The following GTF2IRD2 variants were observed in gnomAD, a reference collection of about 807,000 sequenced individuals.
GTF2IRD2 encodes the protein general transcription factor II-I repeat domain-containing protein 2A.
GTF2IRD2 carries 8 observed loss-of-function variants against 49.2 expected under a neutral mutation model. The ratio of observed to expected loss-of-function variants is 0.16; its 90% CI spans 0.10 to 0.29. The LOEUF (loss-of-function observed/expected upper bound fraction) is 0.29. GTF2IRD2 is among the 10% of genes least tolerant of loss of function. The pLI is 1.00. For missense variants in GTF2IRD2, 130 were observed against 725.7 expected (o/e 0.18, Z 9.43); for synonymous variants, 47 against 289.7 (o/e 0.16, Z 8.51).
At chr7:74,831,336 A>T (rs1554420348) in intron 3 of GTF2IRD2, among the ~76,000 whole-genome samples, 1 of 149,020 alleles carries the variant, frequency 6.7e-6, no homozygotes, top group Non-Finnish European at 1.5e-5. Context: ...TCTCTTATCT[A>T]TCATCTATCC....
chr7:74,815,834 GA>G (rs1798483200), intron 8 of GTF2IRD2, among the ~76,000 whole-genome samples: 1 of 104,888 alleles, frequency 9.5e-6, no homozygotes, highest in African/African-American at 3.8e-5. Context: ...AAGAAAGAAA[GA>G]AAGAAAGAAA....
At chr7:74,831,504 T>TACATACACAC (rs1799860114) in intron 3 of GTF2IRD2, among the ~76,000 whole-genome samples, 2 of 119,548 alleles carry the variant, frequency 1.7e-5, no homozygotes, top group Admixed American at 1.7e-4. Context: ...TCTCTGTACA[T>TACATACACAC]ACACACACAC....
At chr7:74,831,105 T>G (rs1363539860) in intron 3 of GTF2IRD2, among the ~76,000 whole-genome samples, 2 of 151,088 alleles carry the variant, frequency 1.3e-5, no homozygotes, top group African/African-American at 4.8e-5. Context: ...AAAGATGGCT[T>G]CATTTTTTAA....
intron 2 of GTF2IRD2, among the ~76,000 whole-genome samples, chr7:74,835,909 C>T (rs1800262268): frequency 8.3e-6 from 1 of 121,088 alleles, no homozygotes; most frequent in Non-Finnish European, 1.6e-5. Context: ...TGCTTGAACC[C>T]GGGAGGCGGA....
chr7:74,841,174 GTT>G (rs1177792716), intron 1 of GTF2IRD2, among the ~76,000 whole-genome samples: 1 of 135,156 alleles, frequency 7.4e-6, no homozygotes. Context: ...ATATGTATTG[GTT>G]TTTTTTTTTG....
chr7:74,841,035 G>C (rs1289127230), intron 1 of GTF2IRD2, among the ~76,000 whole-genome samples: 1 of 122,224 alleles, frequency 8.2e-6, no homozygotes, highest in Non-Finnish European at 1.6e-5. Context: ...TTTCAGTAGA[G>C]ACGGGGTTTC....
Position 74,839,962 on chromosome 7 carries a change from T to G in GTF2IRD2, c.-5-3579A>C, listed in dbSNP as rs1554421543. On this transcript the variant is annotated intron_variant, in intron 1 of 15. Coordinates refer to ENST00000451013, the MANE Select transcript of GTF2IRD2 (RefSeq NM_173537.5). ...TTGCAGTGAGCCAAGATTGTGCCAC[T>G]GCCCTCCAGGTGGGGCAACAGAGTA... Among the ~76,000 whole-genome samples, 13 of 146,718 alleles carry G rather than the reference T, an allele frequency of 8.9e-5. No individual in the cohort carries two copies. In the East Asian group the frequency reaches 1.4e-3, roughly 16 times the overall value.
At chr7:74,835,188 C>CT (rs1171550198) in intron 2 of GTF2IRD2, among the ~76,000 whole-genome samples, 12 of 145,986 alleles carry the variant, frequency 8.2e-5, no homozygotes, top group African/African-American at 2.4e-4. Context: ...AGGCTGTTTA[C>CT]TTTTTTTTTC....
At position 74,820,036 on chromosome 7, in the gene GTF2IRD2, GA is replaced by G. The variant is rs1798818557; in HGVS notation, c.572-14del. 6.5e-7 allele frequency: 1 copy of G among 1,547,492 alleles called. No individual in the cohort carries two copies. Among genetic ancestry groups the G allele is most frequent in the African/African-American group, 1.4e-5 (1 of 70,288 alleles). ...ATCCCAGGGCCACCTGTAGAGGAAT[GA>G]AAAAACACACACCAGCCCCTTTTAG... On this transcript the variant is annotated splice_polypyrimidine_tract_variant and intron_variant, in intron 6 of 15. Coordinates refer to ENST00000451013, the MANE Select transcript of GTF2IRD2 (RefSeq NM_173537.5).
intron 15 of GTF2IRD2, among the ~76,000 whole-genome samples, chr7:74,798,818 G>T: frequency 7.0e-6 from 1 of 143,030 alleles, no homozygotes; most frequent in African/African-American, 2.6e-5. Context: ...CAGATCTTCA[G>T]GTTTTCTAAA....
chr7:74,840,067 CTTTTT>C (rs1165672995), intron 1 of GTF2IRD2, among the ~76,000 whole-genome samples: 14 of 70,114 alleles, frequency 2.0e-4, no homozygotes, highest in Non-Finnish European at 2.9e-4. Flanking sequence ...GGTCCTATGT[CTTTTT>C]TTTTTTTTTT....
chr7:74,815,802 GAAAGAA>G (rs1256253941), intron 8 of GTF2IRD2, among the ~76,000 whole-genome samples: 1 of 9,604 alleles, frequency 1.0e-4, no homozygotes. Flanking sequence ...AAGAAGGAAA[GAAAGAA>G]AGAAAGAAAG....
intron 1 of GTF2IRD2, among the ~76,000 whole-genome samples, chr7:74,838,464 A>C (rs1800510906): frequency 1.1e-5 from 1 of 88,706 alleles, no homozygotes; most frequent in Non-Finnish European, 2.0e-5. Context: ...GTGCAGTGGC[A>C]CAATCATGGC....
intron 1 of GTF2IRD2, among the ~76,000 whole-genome samples, chr7:74,836,641 C>CTGTA (rs1285836202): frequency 6.6e-6 from 1 of 152,216 alleles, no homozygotes; most frequent in African/African-American, 2.4e-5. Flanking sequence ...TCACAGCTTA[C>CTGTA]TGTAACCTCT....
At chr7:74,822,380 G>A (rs1554418794) in intron 6 of GTF2IRD2, 47 bp downstream of exon 6, 7 of 676,152 alleles carry the variant, frequency 1.0e-5, no homozygotes, top group Non-Finnish European at 1.6e-5. Flanking sequence ...AGAAGAAGTG[G>A]TTCAGCAGCT....
At chr7:74,825,205 T>A (rs1799269956) in intron 3 of GTF2IRD2, among the ~76,000 whole-genome samples, 153 bp from the exon 4 acceptor site, 1 of 140,242 alleles carries the variant, frequency 7.1e-6, no homozygotes. Flanking sequence ...ATTGTATTTA[T>A]GATAAACAGG....
At chr7:74,825,686 G>A in intron 3 of GTF2IRD2, among the ~76,000 whole-genome samples, 1 of 149,746 alleles carries the variant, frequency 6.7e-6, no homozygotes, top group Non-Finnish European at 1.5e-5. Flanking sequence ...AAAACTGATT[G>A]TTTTCATCAG....
Position 74,796,157 on chromosome 7 carries a change from T to C in GTF2IRD2, c.*505A>G, listed in dbSNP as rs1464622223. On this transcript the variant is annotated 3_prime_UTR_variant, in exon 16 of 16. Transcript: ENST00000451013. The stretch of plus-strand genomic sequence containing the variant: ...AACTACCAATAATACAATAAAACTT[T>C]CTTGATTTTTAATGAATAGTGAGGC... 4.7e-5 allele frequency: 7 copies of C among 147,536 alleles called. No homozygotes were observed. Among genetic ancestry groups the C allele is most frequent in the East Asian group, 4.2e-4 (2 of 4,706 alleles). The allele number at this position is 147,536 out of a possible 1,614,324, so 9.1% of individuals were successfully genotyped here. A position where few individuals can be genotyped will look rare whatever the true frequency, so the allele number is the denominator to read the frequency against.
chr7:74,842,193 G>C (rs1321753150), intron 1 of GTF2IRD2, among the ~76,000 whole-genome samples: 1 of 122,244 alleles, frequency 8.2e-6, no homozygotes, highest in Non-Finnish European at 1.6e-5. Context: ...TCTATTTCAA[G>C]AAACCACTGA....
Sources: allele counts gnomAD v4.1 joint callset (sites outside exome capture counted in the v4.1 genomes callset), GRCh38; gene constraint gnomAD v4.1.1; transcripts MANE v1.5; gene names NCBI Gene and HGNC (gene_info 2026-07-23, HGNC 2026-07-21).